ERBB4: variants seen among roughly 807,000 people sequenced by gnomAD.
The protein encoded by ERBB4 is receptor tyrosine-protein kinase erbB-4.
In ERBB4, 42 loss-of-function variants were observed where a neutral mutation model predicts 158.0. That is an observed-to-expected ratio of 0.27 (90% CI 0.21 to 0.34). The LOEUF (loss-of-function observed/expected upper bound fraction) is 0.34, where lower values mean the gene tolerates loss of function less well. ERBB4 is among the 10% of genes least tolerant of loss of function. ERBB4 has a pLI of 1.00. For synonymous variants in ERBB4, 583 were observed against 558.7 expected (o/e 1.04, Z -0.61); for missense variants, 1,333 against 1,624.1 (o/e 0.82, Z 3.08).
rs114263570 is a variant in ERBB4 at position 211,385,161 on chromosome 2, G to C, written c.3482-1101C>G. ...AGAGAGAAAAATCCTATTAAGTGAGGATTATTTTTCTCCAAATATATATAT... is the reference window on the plus strand; with the variant it reads ...AGAGAGAAAAATCCTATTAAGTGAGCATTATTTTTCTCCAAATATATATAT... On this transcript the variant is annotated intron_variant, in intron 27 of 27. Coordinates refer to ENST00000342788, the MANE Select transcript of ERBB4 (RefSeq NM_005235.3). Among the ~76,000 whole-genome samples, 1,346 of 152,058 alleles carry C rather than the reference G, an allele frequency of 8.9e-3. 20 individuals are homozygous for C. Among genetic ancestry groups the C allele is most frequent in the African/African-American group, 0.031 (1,286 of 41,488 alleles).
chr2:212,068,183 G>A (rs920804685), intron 2 of ERBB4, among the ~76,000 whole-genome samples: 31 of 152,118 alleles, frequency 2.0e-4, no homozygotes, highest in Middle Eastern at 3.4e-3. Context: ...GCAGCCATCT[G>A]TCTAACATCA....
intron 1 of ERBB4, among the ~76,000 whole-genome samples, chr2:212,315,038 G>T (rs1033876228): frequency 1.3e-5 from 2 of 151,216 alleles, no homozygotes; most frequent in Admixed American, 6.6e-5. Context: ...AGTCATGAGG[G>T]AACAGGAGCT....
At position 211,380,131 on chromosome 2, in the gene ERBB4, T is replaced by A. The variant is rs1442434683; in HGVS notation, c.*3484A>T. On this transcript the variant is annotated 3_prime_UTR_variant, in exon 28 of 28. Transcript: ENST00000342788. The stretch of plus-strand genomic sequence containing the variant: ...TTTAGTTTGTGTGTTTTAATAGAAA[T>A]TTGAGTTTTGCGTTGTTTTTCATGC... 4.3e-6 allele frequency: 1 copy of A among 231,966 alleles called. No individual in the cohort carries two copies. Among genetic ancestry groups the A allele is most frequent in the Non-Finnish European group, 8.5e-6 (1 of 117,386 alleles). The allele number at this position is 231,966 out of a possible 1,614,324, so 14.4% of individuals were successfully genotyped here.
At chr2:212,115,854 A>G (rs1175304163) in intron 2 of ERBB4, among the ~76,000 whole-genome samples, 1 of 152,152 alleles carries the variant, frequency 6.6e-6, no homozygotes, top group Non-Finnish European at 1.5e-5. Flanking sequence ...AATTCATTAT[A>G]TGCACATTTT....
intron 2 of ERBB4, among the ~76,000 whole-genome samples, chr2:212,044,489 T>A: frequency 6.6e-6 from 1 of 152,176 alleles, no homozygotes; most frequent in South Asian, 2.1e-4. Context: ...AGTTACTGTA[T>A]TTCCTTCACA....
chr2:212,280,040 A>G (rs775479978), intron 1 of ERBB4, among the ~76,000 whole-genome samples: 15 of 151,650 alleles, frequency 9.9e-5, no homozygotes, highest in Non-Finnish European at 2.2e-4. Context: ...ATGTAAAGAA[A>G]TTTTCTTCAA....
chr2:211,916,564 A>ATATG (rs2125067298), intron 3 of ERBB4, among the ~76,000 whole-genome samples: 1 of 152,318 alleles, frequency 6.6e-6, no homozygotes, highest in Admixed American at 6.5e-5. Flanking sequence ...AAGTGTTAGA[A>ATATG]TATGTGATAG....
At chr2:211,917,159 T>C (rs1423915920) in intron 3 of ERBB4, among the ~76,000 whole-genome samples, 1 of 152,158 alleles carries the variant, frequency 6.6e-6, no homozygotes, top group Non-Finnish European at 1.5e-5. Flanking sequence ...GTTAAAATGT[T>C]CTCAGATGGT....
intron 1 of ERBB4, among the ~76,000 whole-genome samples, chr2:212,410,339 AATC>A (rs1455793675): frequency 6.6e-5 from 10 of 152,114 alleles, no homozygotes; most frequent in African/African-American, 2.4e-4. Context: ...ATTACGTACA[AATC>A]ATCACAAATA....
intron 1 of ERBB4, among the ~76,000 whole-genome samples, chr2:212,301,714 A>ATTTTTTTTTTTTTTTTTTTTT (rs2086630743): frequency 7.4e-6 from 1 of 134,516 alleles, no homozygotes; most frequent in Non-Finnish European, 1.6e-5. Flanking sequence ...TACAATATTA[A>ATTTTTTTTTTTTTTTTTTTTT]TGGTCCCCCC....
chr2:212,319,076 T>G (rs2087434648), intron 1 of ERBB4, among the ~76,000 whole-genome samples: 1 of 151,632 alleles, frequency 6.6e-6, no homozygotes, highest in African/African-American at 2.4e-5. Flanking sequence ...CTCAGGACTG[T>G]GAACTTACTA....
At chr2:212,297,406 A>G (rs979266275) in intron 1 of ERBB4, among the ~76,000 whole-genome samples, 19 of 151,980 alleles carry the variant, frequency 1.3e-4, no homozygotes, top group Non-Finnish European at 2.6e-4. Context: ...CCTTTGTGAT[A>G]AAAGCAGATT....
intron 2 of ERBB4, among the ~76,000 whole-genome samples, chr2:212,068,065 G>A (rs1032835910): frequency 2.0e-5 from 3 of 151,964 alleles, no homozygotes; most frequent in Admixed American, 1.3e-4. Context: ...CAGTTCATGG[G>A]GAGCCTGGCT....
rs754506841 is a variant in ERBB4, at chr2:212,202,947, CATA to C, written c.83-78047_83-78045del. 2.0e-5 allele frequency among the ~76,000 whole-genome samples: 3 copies of C among 151,268 alleles called. No homozygotes were observed. The East Asian group carries it at 5.8e-4, about 29-fold the overall frequency. On this transcript the variant is annotated intron_variant, in intron 1 of 27. Transcript: ENST00000342788. The stretch of plus-strand genomic sequence containing the variant: ...AATAGTATTACATTAATAACAAAAC[CATA>C]ATAATACTATACATTTATGTAATAT...
At chr2:211,679,344 C>A (rs1319616372) in intron 12 of ERBB4, among the ~76,000 whole-genome samples, 160 bp from the exon 13 acceptor site, 6 of 152,236 alleles carry the variant, frequency 3.9e-5, no homozygotes, top group African/African-American at 1.4e-4. Context: ...CTACCCACAA[C>A]TTCTTCTATA....
chr2:212,094,541 G>A (rs1420650380), intron 2 of ERBB4, among the ~76,000 whole-genome samples: 1 of 151,002 alleles, frequency 6.6e-6, no homozygotes, highest in East Asian at 1.9e-4. Context: ...TTGTGGCATG[G>A]CTACAGTTAA....
At chr2:211,545,707 G>A (rs571907219) in intron 20 of ERBB4, among the ~76,000 whole-genome samples, 32 of 152,116 alleles carry the variant, frequency 2.1e-4, no homozygotes, top group African/African-American at 7.2e-4. Context: ...TGCTTGGGGC[G>A]ATAATCATTA....
At chr2:211,540,162 T>C (rs1053505234) in intron 20 of ERBB4, among the ~76,000 whole-genome samples, 82 of 150,302 alleles carry the variant, frequency 5.5e-4, no homozygotes, top group Non-Finnish European at 9.3e-4. Flanking sequence ...CCTGCACCCA[T>C]TAATATTGTC....
At chr2:212,340,032 G>C (rs2088628207) in intron 1 of ERBB4, among the ~76,000 whole-genome samples, 1 of 146,188 alleles carries the variant, frequency 6.8e-6, no homozygotes, top group African/African-American at 2.5e-5. Flanking sequence ...CATATTCCTA[G>C]TTCAAATTAA....
Sources: gnomAD v4.1 joint callset for allele counts (sites outside exome capture counted in the v4.1 genomes callset) on GRCh38, gnomAD v4.1.1 for gene constraint, MANE v1.5 for transcripts, NCBI Gene and HGNC (gene_info 2026-07-23, HGNC 2026-07-21) for gene names.